BLTP2: variants seen among roughly 807,000 people sequenced by gnomAD.
BLTP2 encodes the protein U937-associated antigen.
At chr17:28,643,037 C>T in the BLTP2 span, 2 of 1,512,552 alleles carry the variant, frequency 1.3e-6, no homozygotes, top group Non-Finnish European at 1.8e-6. Context: ...AGGAACTGCC[C>T]TTCCTTTCCA....
At chr17:28,616,617 C>G in the BLTP2 span, 1 of 1,614,206 alleles carries the variant, frequency 6.2e-7, no homozygotes, top group Non-Finnish European at 8.5e-7. The surrounding 1 kb of genome is among the most constrained non-coding windows in gnomAD (Gnocchi z 4.8). Context: ...AAAGTTCTCA[C>G]CAGTAGTCAC....
At chr17:28,624,128 A>C in the BLTP2 span, 1 of 1,446,184 alleles carries the variant, frequency 6.9e-7, no homozygotes, top group African/African-American at 1.4e-5. Context: ...AGAAGGCCAA[A>C]TTTTTTGGAG....
the BLTP2 span, chr17:28,644,202 C>G: frequency 6.2e-7 from 1 of 1,612,002 alleles, no homozygotes; most frequent in Non-Finnish European, 8.5e-7. Context: ...AGAAAAATTC[C>G]TGTTAATTCA....
the BLTP2 span, chr17:28,636,884 GAAAA>G: frequency 3.5e-5 from 33 of 942,940 alleles, no homozygotes; most frequent in South Asian, 4.5e-5. Context: ...GAAAAGACAA[GAAAA>G]AAAAAAAAAA....
At chr17:28,623,418 T>C in the BLTP2 span, among the ~76,000 whole-genome samples, 1 of 152,216 alleles carries the variant, frequency 6.6e-6, no homozygotes, top group South Asian at 2.1e-4. Context: ...AAAGGGCAGA[T>C]AGTGAACTTA....
chr17:28,626,631 T>C, the BLTP2 span, among the ~76,000 whole-genome samples: 8 of 152,216 alleles, frequency 5.3e-5, no homozygotes, highest in Non-Finnish European at 1.0e-4. Flanking sequence ...GCCAATGGTT[T>C]AATCAATCAT....
chr17:28,642,902 C>T, the BLTP2 span: 1 of 1,608,230 alleles, frequency 6.2e-7, no homozygotes, highest in Non-Finnish European at 8.5e-7. Context: ...AAATCTGCTT[C>T]TACTGATCTG....
At chr17:28,633,920 T>A in the BLTP2 span, 3 of 1,613,846 alleles carry the variant, frequency 1.9e-6, no homozygotes, top group Non-Finnish European at 1.7e-6. Flanking sequence ...AGAATTTGAG[T>A]GGGGGCATGT....
the BLTP2 span, chr17:28,632,801 C>CA: frequency 3.7e-4 from 206 of 552,356 alleles, no homozygotes; most frequent in South Asian, 1.0e-3. Context: ...TGCCAAAAAA[C>CA]AAAAAAAAAG....
At chr17:28,620,146 T>C in the BLTP2 span, 4 of 793,562 alleles carry the variant, frequency 5.0e-6, no homozygotes, top group Middle Eastern at 3.3e-4. Context: ...TCACTGGTAA[T>C]AGCAACAGTA....
the BLTP2 span, chr17:28,615,640 C>G: frequency 6.2e-7 from 1 of 1,605,326 alleles, no homozygotes; most frequent in Non-Finnish European, 8.5e-7. Flanking sequence ...ATTAGCCAAA[C>G]AGCCATGAGC....
the BLTP2 span, chr17:28,640,076 T>C: frequency 6.3e-7 from 1 of 1,594,032 alleles, no homozygotes; most frequent in Admixed American, 1.7e-5. Flanking sequence ...CCATTCCTAC[T>C]TCTTTTACTT....
the BLTP2 span, chr17:28,644,899 G>A: frequency 1.5e-5 from 18 of 1,173,006 alleles, no homozygotes; most frequent in African/African-American, 1.7e-4. Context: ...CCTCAGTAAG[G>A]CGCGCGCCCC....
chr17:28,643,899 G>A, the BLTP2 span, among the ~76,000 whole-genome samples: 10 of 152,172 alleles, frequency 6.6e-5, no homozygotes, highest in African/African-American at 2.2e-4. Flanking sequence ...AACTTGCAGC[G>A]TTCTCCAACT....
chr17:28,631,598 T>C, the BLTP2 span: 1 of 1,613,974 alleles, frequency 6.2e-7, no homozygotes, highest in African/African-American at 1.3e-5. Context: ...GGTGAGGCCA[T>C]CAGGTGAACG....
chr17:28,642,587 C>G, the BLTP2 span: 1 of 562,834 alleles, frequency 1.8e-6, no homozygotes, highest in East Asian at 3.0e-5. Flanking sequence ...GGAGGCGGAG[C>G]TTGCAGTGAG....
the BLTP2 span, among the ~76,000 whole-genome samples, chr17:28,628,014 C>G: frequency 6.6e-6 from 1 of 152,134 alleles, no homozygotes; most frequent in Admixed American, 6.5e-5. Context: ...TTGCTTCTTT[C>G]CCTTACTCAT....
At chr17:28,637,005 A>G in the BLTP2 span, 63 of 1,614,094 alleles carry the variant, frequency 3.9e-5, no homozygotes, top group Non-Finnish European at 5.3e-5. Context: ...GATGGAGAGC[A>G]TGGAAAGGCT....
chr17:28,634,860 C>G, the BLTP2 span: 2 of 1,613,918 alleles, frequency 1.2e-6, no homozygotes, highest in East Asian at 2.2e-5. Context: ...CATCCAGTAG[C>G]TGTAGTCTTT....
Sources: allele counts gnomAD v4.1 joint callset (sites outside exome capture counted in the v4.1 genomes callset), GRCh38; gene constraint gnomAD v4.1.1; non-coding constraint Gnocchi (gnomAD v3.1); transcripts MANE v1.5; gene names NCBI Gene and HGNC (gene_info 2026-07-23, HGNC 2026-07-21).